ILDR1: variants seen among roughly 807,000 people sequenced by gnomAD.
ILDR1 encodes the protein immunoglobulin-like domain-containing receptor 1.
ILDR1 carries 56 observed loss-of-function variants against 62.4 expected under a neutral mutation model. That is an observed-to-expected ratio of 0.90 (90% CI 0.72 to 1.12). ILDR1 has a LOEUF of 1.12. Among genes scored for constraint, ILDR1 ranks in the 50% most tolerant of loss-of-function variants. The pLI, the probability that ILDR1 is intolerant of heterozygous loss-of-function variation, is 0.00. For synonymous variants in ILDR1, 284 were observed against 277.8 expected, an observed-to-expected ratio of 1.02 and a Z score of -0.22; for missense variants, 736 against 710.6, an observed-to-expected ratio of 1.04 and a Z score of -0.41.
At chr3:122,028,356 A>G in the ILDR1 span, among the ~76,000 whole-genome samples, 5 of 147,252 alleles carry the variant, frequency 3.4e-5, no homozygotes, top group African/African-American at 1.0e-4. Context: ...AAAAAAAAAA[A>G]GGAGGAAAAC....
At chr3:122,033,394 T>C in the ILDR1 span, among the ~76,000 whole-genome samples, 1 of 152,140 alleles carries the variant, frequency 6.6e-6, no homozygotes, top group Non-Finnish European at 1.5e-5. Context: ...ATATAGTGCC[T>C]TTGTGATTTT....
chr3:122,013,263 G>A (rs1004103743), intron 1 of ILDR1, among the ~76,000 whole-genome samples: 1 of 152,172 alleles, frequency 6.6e-6, no homozygotes, highest in Non-Finnish European at 1.5e-5. Context: ...TACTCACACA[G>A]TATAGGAATA....
the ILDR1 span, among the ~76,000 whole-genome samples, chr3:122,059,824 G>C: frequency 6.6e-6 from 1 of 152,096 alleles, no homozygotes; most frequent in Admixed American, 6.5e-5. Context: ...CCTAATCCAA[G>C]ACAATTGTTG....
In ILDR1 at chr3:121,993,816, G is replaced by A. The variant is rs1224415358; in HGVS notation, c.933C>T (p.Gly311=). Residue 311 remains glycine, a synonymous_variant, in exon 7 of 8, where the codon GGC becomes GGT. Coordinates refer to ENST00000344209, the MANE Select transcript of ILDR1 (RefSeq NM_001199799.2). The stretch of plus-strand genomic sequence containing the variant: ...GGGAGGACAGCATGCTGCAGGGATG[G>A]CCAAATCTGCCTTTGAGGTCAGGGG... ...PLPPDLKGRF[G]HPCSMLSSLG... is the part of the protein sequence containing the mutation. 1.9e-6 allele frequency: 3 copies of A among 1,614,152 alleles called. No homozygotes were observed. The highest frequency in any genetic ancestry group is 2.5e-6 in the Non-Finnish European group (3 of 1,180,038).
intron 1 of ILDR1, among the ~76,000 whole-genome samples, chr3:122,009,183 A>G (rs1373577960): frequency 6.6e-6 from 1 of 152,042 alleles, no homozygotes; most frequent in East Asian, 1.9e-4. Flanking sequence ...CTCCAGCCTC[A>G]GCCTCCCAAA....
intron 1 of ILDR1, among the ~76,000 whole-genome samples, chr3:122,011,677 T>TACACACACACACACA (rs139879742): frequency 7.5e-6 from 1 of 133,138 alleles, no homozygotes; most frequent in African/African-American, 3.0e-5. Flanking sequence ...TCTCTCTCTT[T>TACACACACACACACA]CACACACACA....
chr3:122,020,174 T>C (rs2071835305), intron 1 of ILDR1, among the ~76,000 whole-genome samples: 1 of 152,238 alleles, frequency 6.6e-6, no homozygotes, highest in African/African-American at 2.4e-5. Context: ...TGGCTCTAAT[T>C]CCTGACTACT....
At chr3:122,044,576 T>C in the ILDR1 span, among the ~76,000 whole-genome samples, 1,268 of 151,644 alleles carry the variant, frequency 8.4e-3, 19 homozygotes, top group African/African-American at 0.028. Context: ...AAACTATTGA[T>C]TATTGCCACA....
chr3:122,022,683 G>A (rs942135822), upstream of ILDR1, among the ~76,000 whole-genome samples: 1 of 152,172 alleles, frequency 6.6e-6, no homozygotes, highest in African/African-American at 2.4e-5. Flanking sequence ...TTGGGAGGCC[G>A]AGGCGGGTGG....
the ILDR1 span, among the ~76,000 whole-genome samples, chr3:122,034,262 T>C: frequency 5.9e-5 from 9 of 152,238 alleles, no homozygotes; most frequent in Admixed American, 2.6e-4. Context: ...TTAATTTTCA[T>C]TGAGTTCTAG....
upstream of ILDR1, among the ~76,000 whole-genome samples, chr3:122,025,962 C>T (rs2071917874): frequency 1.3e-5 from 2 of 152,122 alleles, no homozygotes; most frequent in South Asian, 4.1e-4. Flanking sequence ...GAAGGGACAT[C>T]TGCTCTAGGT....
Position 122,007,110 on chromosome 3 carries a change from AG to A in ILDR1, c.109del (p.Leu37CysfsTer22). On this transcript the variant is annotated frameshift_variant, in exon 2 of 8. Transcript: ENST00000344209. LOFTEE classifies it high-confidence loss of function. ...ACATTTGAGGATGATAGAGGCAAAC[AG>A]GGTGACATAGCGTTCTGTGTGCTGG... ...TVQHTERYVT[L>X]FASIILKCDY... 1 of 1,614,198 alleles carries A rather than the reference AG, an allele frequency of 6.2e-7. No individual in the cohort carries two copies. The highest frequency in any genetic ancestry group is 1.1e-5 in the South Asian group (1 of 91,088).
chr3:122,012,497 A>G (rs966044269), intron 1 of ILDR1, among the ~76,000 whole-genome samples: 1 of 152,192 alleles, frequency 6.6e-6, no homozygotes, highest in Non-Finnish European at 1.5e-5. Flanking sequence ...GTAATGTAAT[A>G]TAAACAGCAG....
At chr3:122,043,401 T>C in the ILDR1 span, among the ~76,000 whole-genome samples, 73 of 128,326 alleles carry the variant, frequency 5.7e-4, no homozygotes, top group East Asian at 1.4e-3. Flanking sequence ...CGATGTGGGC[T>C]CTTTTTTGGT....
intron 7 of ILDR1, among the ~76,000 whole-genome samples, chr3:121,991,341 C>T (rs1330208784): frequency 6.6e-6 from 1 of 152,178 alleles, no homozygotes; most frequent in Non-Finnish European, 1.5e-5. Context: ...AATAATTTAA[C>T]TTAGAAGAAG....
chr3:122,007,578 A>C (rs1291048039), intron 1 of ILDR1, among the ~76,000 whole-genome samples: 1 of 152,022 alleles, frequency 6.6e-6, no homozygotes, highest in African/African-American at 2.4e-5. Context: ...GGCCTACGAA[A>C]CCCGTTAGGT....
Position 121,993,208 on chromosome 3 carries a change from G to A in ILDR1, c.1541C>T (p.Ser514Leu). ...ATTCTTGCCTGGAGTGATATCAAGT[G>A]AGCGGTAGCTAGGCGGCTTCTCCTC... ...WPEEKPPSYR[S>L]LDITPGKNSR... Residue 514 changes from serine to leucine, a missense_variant, in exon 7 of 8, where the codon TCA becomes TTA. By Grantham distance (145) the Ser-to-Leu change is moderately radical. Coordinates refer to ENST00000344209, the MANE Select transcript of ILDR1 (RefSeq NM_001199799.2). 6.2e-7 allele frequency: 1 copy of A among 1,613,860 alleles called. No individual in the cohort carries two copies. Among genetic ancestry groups the A allele is most frequent in the Non-Finnish European group, 8.5e-7 (1 of 1,179,900 alleles).
the ILDR1 span, among the ~76,000 whole-genome samples, chr3:122,052,740 T>C: frequency 1.3e-5 from 2 of 152,224 alleles, no homozygotes. Flanking sequence ...GGCTAATTTT[T>C]GTATTTTTAG....
chr3:122,015,669 GC>G (rs1460724867), intron 1 of ILDR1, among the ~76,000 whole-genome samples: 1 of 152,184 alleles, frequency 6.6e-6, no homozygotes, highest in African/African-American at 2.4e-5. Flanking sequence ...GGCCTCCCCA[GC>G]CCTGCAGAAC....
Sources: allele counts gnomAD v4.1 joint callset (sites outside exome capture counted in the v4.1 genomes callset), GRCh38; gene constraint gnomAD v4.1.1; transcripts MANE v1.5; gene names NCBI Gene and HGNC (gene_info 2026-07-23, HGNC 2026-07-21).